CCDC40: variants seen among roughly 807,000 people sequenced by gnomAD.
The protein encoded by CCDC40 is coiled-coil domain 40 molecular ruler complex subunit, also known as coiled-coil domain-containing protein 40.
In CCDC40, 104 loss-of-function variants were observed where a neutral mutation model predicts 124.5. The observed-to-expected ratio is 0.84, with a 90% confidence interval of 0.71 to 0.98. The LOEUF is 0.98. Ranked by LOEUF, CCDC40 falls within the 50% of genes least tolerant of loss-of-function variation. The pLI, the probability that CCDC40 is intolerant of heterozygous loss-of-function variation, is 0.00. For missense variants in CCDC40, 1,463 were observed against 1,503.9 expected (o/e 0.97, Z 0.45); for synonymous variants, 580 against 602.9 (o/e 0.96, Z 0.56).
chr17:80,044,508 A>AC (rs1393111827), intron 3 of CCDC40, among the ~76,000 whole-genome samples: 1 of 151,784 alleles, frequency 6.6e-6, no homozygotes, highest in Non-Finnish European at 1.5e-5. Flanking sequence ...ACATGGCGAG[A>AC]CCCCATCTCT....
chr17:80,067,937 G>T (rs931062681), intron 10 of CCDC40: 6 of 1,216,200 alleles, frequency 4.9e-6, no homozygotes, highest in East Asian at 3.9e-5. Context: ...CTATGTACAC[G>T]CACAAACACT....
rs1015368302 is a variant in CCDC40, at chr17:80,067,494, C to T, written c.1562+1888C>T. On this transcript the variant is annotated intron_variant, in intron 10 of 19. Transcript: ENST00000397545. ...ACTGTTCTGCACCTCTTTGCTTTTT[C>T]CATTTAACAGCGTGTCCCTAGAGCG... 29 of 1,137,622 alleles carry T rather than the reference C, an allele frequency of 2.5e-5. 1 individual carries two copies. In the East Asian group the frequency reaches 7.4e-4, roughly 29 times the overall value. 70.5% of individuals were successfully genotyped at this position (1,137,622 alleles called of 1,614,324 possible).
At chr17:80,082,881 G>A (rs368567539) in intron 12 of CCDC40, among the ~76,000 whole-genome samples, 44 of 152,328 alleles carry the variant, frequency 2.9e-4, no homozygotes, top group East Asian at 1.4e-3. Flanking sequence ...CGTCTATTAC[G>A]ACAATTTTCC....
intron 7 of CCDC40, among the ~76,000 whole-genome samples, chr17:80,056,004 A>ATTTTT (rs1262463030): frequency 0.017 from 142 of 8,362 alleles, 3 homozygotes; most frequent in Non-Finnish European, 0.028. Context: ...ATATATATAT[A>ATTTTT]TATATATATA....
intron 1 of CCDC40, among the ~76,000 whole-genome samples, chr17:80,037,691 ATATACATATATATATATATAT>A (rs2037144929): frequency 2.6e-5 from 2 of 75,974 alleles, no homozygotes; most frequent in African/African-American, 1.3e-4. Flanking sequence ...TTTAAAAAAG[ATATACATATATATATATATAT>A]ATATATATTC....
intron 5 of CCDC40, 93 bp from the exon 6 acceptor site, chr17:80,049,813 C>A: frequency 2.9e-6 from 3 of 1,033,398 alleles, no homozygotes; most frequent in Admixed American, 1.8e-5. Flanking sequence ...CTCTGGCCCA[C>A]CGGAGGGAGA....
At chr17:80,065,708 C>T (rs1030139449) in intron 10 of CCDC40, 102 bp downstream of exon 10, 1 of 1,485,920 alleles carries the variant, frequency 6.7e-7, no homozygotes, top group African/African-American at 1.4e-5. Flanking sequence ...ATCTCTGGGA[C>T]AGAGGGTGCA....
Position 80,084,944 on chromosome 17 carries a change from A to G in CCDC40, c.2191A>G (p.Asn731Asp), listed in dbSNP as rs749147749. 19 of 1,613,896 alleles carry G rather than the reference A, an allele frequency of 1.2e-5. No individual in the cohort carries two copies. The highest frequency in any genetic ancestry group is 1.5e-5 in the Non-Finnish European group (18 of 1,180,032). Residue 731 changes from asparagine to aspartate, a missense_variant, in exon 13 of 20, where the codon AAC (asparagine) becomes GAC (aspartate). Physicochemically the swap from Asn to Asp is conservative, Grantham distance 23. Coordinates refer to ENST00000397545, the MANE Select transcript of CCDC40 (RefSeq NM_017950.4). ...ILIERKQGLI[N>D]FLNKQLERMV... ...GATCGAGAGGAAGCAAGGGCTCATCAACTTCCTCAACAAGCAGCTGGAGCG... is the reference window on the plus strand; with the variant it reads ...GATCGAGAGGAAGCAAGGGCTCATCGACTTCCTCAACAAGCAGCTGGAGCG...
At chr17:80,054,529 A>G (rs1568681578) in intron 7 of CCDC40, among the ~76,000 whole-genome samples, 1 of 152,200 alleles carries the variant, frequency 6.6e-6, no homozygotes, top group African/African-American at 2.4e-5. Context: ...CTGACAGCAT[A>G]CAAGCAGGAA....
chr17:80,038,060 G>C, intron 1 of CCDC40, 63 bp from the exon 2 acceptor site: 1 of 1,069,854 alleles, frequency 9.3e-7, no homozygotes, highest in African/African-American at 1.6e-5. Flanking sequence ...ATTCAGGAGG[G>C]GATAAGGACC....
At chr17:80,051,618 G>C (rs2037593661) in intron 7 of CCDC40, among the ~76,000 whole-genome samples, 1 of 112,318 alleles carries the variant, frequency 8.9e-6, no homozygotes. Flanking sequence ...GACAGAGCGA[G>C]ACTCCGTCTC....
chr17:80,053,260 C>A (rs1289277463), intron 7 of CCDC40, among the ~76,000 whole-genome samples: 1 of 152,244 alleles, frequency 6.6e-6, no homozygotes, highest in African/African-American at 2.4e-5. Flanking sequence ...CCAAATACCA[C>A]GGCAAAAGAA....
rs565326332 is a variant in CCDC40, at chr17:80,099,160, G to A, written c.3181-367G>A. Among the ~76,000 whole-genome samples, 5 of 151,958 alleles carry A rather than the reference G, an allele frequency of 3.3e-5. No individual in the cohort carries two copies. In the East Asian group the frequency reaches 5.8e-4, roughly 18 times the overall value. ...CAAAAAATTAGCCGGGCCTGGTGAC[G>A]GGCATCTGTAGTCCCAGCTACTCAG... On this transcript the variant is annotated intron_variant, in intron 19 of 19. Coordinates refer to ENST00000397545, the MANE Select transcript of CCDC40 (RefSeq NM_017950.4).
chr17:80,084,587 G>A (rs2038534136), intron 12 of CCDC40, among the ~76,000 whole-genome samples, 156 bp from the exon 13 acceptor site: 1 of 152,156 alleles, frequency 6.6e-6, no homozygotes, highest in South Asian at 2.1e-4. Flanking sequence ...GCTGGGTCCT[G>A]GAGACAGTGG....
At chr17:80,072,857 C>CGTGAAGAAAGCTGCT (rs2038225002) in intron 10 of CCDC40, among the ~76,000 whole-genome samples, 1 of 152,146 alleles carries the variant, frequency 6.6e-6, no homozygotes, top group Non-Finnish European at 1.5e-5. Flanking sequence ...TTTGGAATAC[C>CGTGAAGAAAGCTGCT]GTGAAGAAAG....
chr17:80,097,816 C>T, intron 19 of CCDC40: 1 of 231,644 alleles, frequency 4.3e-6, no homozygotes, highest in Admixed American at 5.1e-5. Flanking sequence ...GGGAGGATCG[C>T]TTGAGCCTGG....
At position 80,097,262 on chromosome 17, in the gene CCDC40, C is replaced by T. The variant is rs2038827065; in HGVS notation, c.3039C>T (p.Thr1013=). 6.2e-7 allele frequency: 1 copy of T among 1,613,846 alleles called. No homozygotes were observed. The highest frequency in any genetic ancestry group is 8.5e-7 in the Non-Finnish European group (1 of 1,180,016). The change falls in exon 19 of 20, where the codon ACC becomes ACT. Residue 1013 remains threonine, a synonymous_variant. Coordinates refer to ENST00000397545, the MANE Select transcript of CCDC40 (RefSeq NM_017950.4). ...TCTCCTAGGCCACCGATGAGTGCAC[C>T]AAAACCGTCCTGGAACTGGAAGAAA... The part of the protein sequence containing the change: ...RDVRKATDEC[T]KTVLELEETQ...
chr17:80,097,564 T>G, intron 19 of CCDC40, 161 bp downstream of exon 19: 1 of 676,538 alleles, frequency 1.5e-6, no homozygotes, highest in Non-Finnish European at 2.5e-6. Context: ...CTCACATGTT[T>G]GTGGCTTTGT....
At position 80,089,852 on chromosome 17, in the gene CCDC40, C is replaced by T. The variant is rs775749296; in HGVS notation, c.2800C>T (p.Arg934Trp). ...VDSEIGQTEI[R>W]AMKGEIHRMK... is the part of the protein sequence containing the mutation. ...TTCCGAGATCGGCCAGACGGAGATC[C>T]GGGCCATGAAGGGCGAGATCCACAG... The change falls in exon 17 of 20, where the codon CGG (arginine) becomes TGG (tryptophan). Residue 934 changes from arginine to tryptophan, a missense_variant. Transcript: ENST00000397545. 1.9e-5 allele frequency: 30 copies of T among 1,614,120 alleles called. No individual in the cohort carries two copies. Among genetic ancestry groups the T allele is most frequent in the East Asian group, 8.9e-5 (4 of 44,906 alleles).
Sources: gnomAD v4.1 joint callset for allele counts (sites outside exome capture counted in the v4.1 genomes callset) on GRCh38, gnomAD v4.1.1 for gene constraint, MANE v1.5 for transcripts, NCBI Gene and HGNC (gene_info 2026-07-23, HGNC 2026-07-21) for gene names.